The following ADAM22 variants were observed in gnomAD, a reference collection of about 807,000 sequenced individuals.
ADAM22 encodes disintegrin and metalloproteinase domain-containing protein 22.
ADAM22 carries 65 observed loss-of-function variants against 144.6 expected under a neutral mutation model. The ratio of observed to expected loss-of-function variants is 0.45; its 90% CI spans 0.37 to 0.55. The LOEUF is 0.55. ADAM22 is among the 20% of genes least tolerant of loss of function. The pLI is 0.00. For synonymous variants in ADAM22, 391 were observed against 412.6 expected (o/e 0.95, Z 0.63); for missense variants, 974 against 1,184.9 (o/e 0.82, Z 2.61).
At chr7:88,176,763 ATTTAT>A (rs1845776363) in intron 26 of ADAM22, among the ~76,000 whole-genome samples, 1 of 151,788 alleles carries the variant, frequency 6.6e-6, no homozygotes, top group South Asian at 2.1e-4. Context: ...TACTTATTTT[ATTTAT>A]TTTATTTATT....
chr7:88,187,345 T>C (rs1291667400), intron 30 of ADAM22, among the ~76,000 whole-genome samples: 1 of 152,212 alleles, frequency 6.6e-6, no homozygotes. Context: ...TGTAAGAAAT[T>C]TTTTATGCTT....
At chr7:88,052,718 A>G (rs565920199) in intron 3 of ADAM22, among the ~76,000 whole-genome samples, 26 of 151,908 alleles carry the variant, frequency 1.7e-4, no homozygotes, top group Non-Finnish European at 2.8e-4. Flanking sequence ...TGTGACATTT[A>G]TTTTCTTTGT....
chr7:88,039,464 A>AAAAAATATATAT, intron 3 of ADAM22, among the ~76,000 whole-genome samples: 7 of 76,378 alleles, frequency 9.2e-5, no homozygotes, highest in African/African-American at 3.3e-4. Flanking sequence ...AAAAAAAAAA[A>AAAAAATATATAT]ATATATATAT....
In ADAM22 at chr7:87,990,787, C is replaced by T. The variant is rs775141548; in HGVS notation, c.323+12375C>T. Among the ~76,000 whole-genome samples, 15 of 152,162 alleles carry T rather than the reference C, an allele frequency of 9.9e-5. No homozygotes were observed. In the East Asian group the frequency reaches 1.5e-3, roughly 16 times the overall value. On this transcript the variant is annotated intron_variant, in intron 3 of 31. Coordinates refer to ENST00000413139, the MANE Select transcript of ADAM22 (RefSeq NM_001324418.2). ...AATTGATTCTCATGCCTCAGTCTCCCGAGTAGCTGGGATTACAGGCGCCTG... is the reference window on the plus strand; with the variant it reads ...AATTGATTCTCATGCCTCAGTCTCCTGAGTAGCTGGGATTACAGGCGCCTG...
At chr7:87,944,241 G>A (rs924949992) in intron 2 of ADAM22, among the ~76,000 whole-genome samples, 19 of 151,882 alleles carry the variant, frequency 1.3e-4, no homozygotes, top group Non-Finnish European at 1.5e-5. Context: ...GGCACTTCAA[G>A]GTTAGGATGA....
At chr7:88,173,525 A>G (rs1157243775) in intron 26 of ADAM22, among the ~76,000 whole-genome samples, 1 of 152,046 alleles carries the variant, frequency 6.6e-6, no homozygotes, top group Non-Finnish European at 1.5e-5. Flanking sequence ...TTCCTTTTTG[A>G]GAATATATGT....
In ADAM22 at chr7:88,021,242, T is replaced by C. The variant is rs568926299; in HGVS notation, c.323+42830T>C. On this transcript the variant is annotated intron_variant, in intron 3 of 31. Coordinates refer to ENST00000413139, the MANE Select transcript of ADAM22 (RefSeq NM_001324418.2). ...CATAAAAGAAGTATGTGAGGCTCTT[T>C]CCTACCTTGGCACCTAGTTCTCCTC... Among the ~76,000 whole-genome samples, 4 of 152,302 alleles carry C rather than the reference T, an allele frequency of 2.6e-5. No homozygotes were observed. The East Asian group carries it at 7.7e-4, about 29-fold the overall frequency.
intron 4 of ADAM22, among the ~76,000 whole-genome samples, chr7:88,092,302 C>G (rs1820089158): frequency 6.6e-6 from 1 of 152,168 alleles, no homozygotes; most frequent in Non-Finnish European, 1.5e-5. Context: ...CTTTTACCCT[C>G]CGTTCCACAA....
chr7:88,100,341 G>T (rs950429267), intron 4 of ADAM22, among the ~76,000 whole-genome samples: 7 of 152,230 alleles, frequency 4.6e-5, no homozygotes, highest in African/African-American at 1.7e-4. Flanking sequence ...AACTGATAAA[G>T]ATTTTGAGAT....
chr7:88,017,514 G>A (rs1374189723), intron 3 of ADAM22, among the ~76,000 whole-genome samples: 2 of 152,026 alleles, frequency 1.3e-5, no homozygotes, highest in African/African-American at 2.4e-5. Flanking sequence ...TTATCAATTT[G>A]CTATATATGT....
intron 5 of ADAM22, among the ~76,000 whole-genome samples, chr7:88,109,089 C>T (rs566828525): frequency 5.3e-5 from 8 of 152,168 alleles, no homozygotes; most frequent in East Asian, 3.9e-4. Flanking sequence ...TAAATGGAAA[C>T]GCCTGACTCC....
intron 3 of ADAM22, among the ~76,000 whole-genome samples, chr7:88,068,663 A>G (rs1811923949): frequency 6.6e-6 from 1 of 152,180 alleles, no homozygotes; most frequent in East Asian, 1.9e-4. Context: ...CTGGGCAGAT[A>G]TGCTTTATGT....
chr7:88,181,426 C>A, intron 27 of ADAM22, 79 bp from the exon 28 acceptor site: 2 of 1,149,056 alleles, frequency 1.7e-6, no homozygotes, highest in South Asian at 1.3e-5. Context: ...CACAGTAATG[C>A]TTAGAAGTTT....
At chr7:87,967,040 G>A (rs886952975) in intron 2 of ADAM22, among the ~76,000 whole-genome samples, 6 of 151,970 alleles carry the variant, frequency 3.9e-5, no homozygotes, top group African/African-American at 7.3e-5. Flanking sequence ...GGTTTTATAA[G>A]GGGCTTTTCC....
intron 14 of ADAM22, among the ~76,000 whole-genome samples, chr7:88,138,861 T>C (rs1403878167): frequency 6.6e-6 from 1 of 152,168 alleles, no homozygotes; most frequent in African/African-American, 2.4e-5. Flanking sequence ...CCACAAATGT[T>C]CAACTGTTCA....
At chr7:88,125,894 G>T (rs529543537) in intron 8 of ADAM22, among the ~76,000 whole-genome samples, 2 of 152,062 alleles carry the variant, frequency 1.3e-5, no homozygotes, top group African/African-American at 4.8e-5. Flanking sequence ...TCATATTATG[G>T]GTTATGAGGC....
At chr7:88,140,643 G>A (rs1380367495) in intron 14 of ADAM22, among the ~76,000 whole-genome samples, 1 of 152,126 alleles carries the variant, frequency 6.6e-6, no homozygotes, top group Non-Finnish European at 1.5e-5. Flanking sequence ...AGGAGTTCGA[G>A]ACCAGCCTGG....
intron 3 of ADAM22, among the ~76,000 whole-genome samples, chr7:87,990,103 C>T (rs1014088639): frequency 1.3e-5 from 2 of 151,860 alleles, no homozygotes; most frequent in Admixed American, 6.6e-5. Flanking sequence ...ATATAGAGTA[C>T]ACTTGATGTA....
At chr7:88,008,464 A>G (rs570749249) in intron 3 of ADAM22, among the ~76,000 whole-genome samples, 40 of 152,186 alleles carry the variant, frequency 2.6e-4, no homozygotes, top group African/African-American at 4.3e-4. Flanking sequence ...TGTTTATTGC[A>G]GCACTATTCA....
Sources: allele counts gnomAD v4.1 joint callset (sites outside exome capture counted in the v4.1 genomes callset), GRCh38; gene constraint gnomAD v4.1.1; transcripts MANE v1.5; gene names NCBI Gene and HGNC (gene_info 2026-07-23, HGNC 2026-07-21).